Variants in RXRA observed in about 807,000 individuals in gnomAD.
RXRA encodes retinoic acid receptor RXR-alpha.
A neutral mutation model predicts 44.5 loss-of-function variants in RXRA; 5 were observed. That is an observed-to-expected ratio of 0.11 (90% CI 0.06 to 0.24). The LOEUF (loss-of-function observed/expected upper bound fraction) is 0.24, where lower values mean the gene tolerates loss of function less well. Among genes scored for constraint, RXRA ranks in the 10% least tolerant of loss-of-function variants. The probability of loss-of-function intolerance (pLI) is 1.00; values close to 1 mark genes in which losing one functional copy is unlikely to be tolerated. For synonymous variants in RXRA, 291 were observed against 271.4 expected, an observed-to-expected ratio of 1.07 and a Z score of -0.71; for missense variants, 412 against 646.5, an observed-to-expected ratio of 0.64 and a Z score of 3.93.
chr9:134,391,709 C>T (rs1016350666), intron 1 of RXRA, among the ~76,000 whole-genome samples: 12 of 152,198 alleles, frequency 7.9e-5, no homozygotes, highest in African/African-American at 2.7e-4. Flanking sequence ...CCAAGGTGGG[C>T]GTCATTGCTG....
chr9:134,402,779 C>G (rs897345812), intron 2 of RXRA: 1 of 152,180 alleles, frequency 6.6e-6, no homozygotes, highest in African/African-American at 2.4e-5. Flanking sequence ...ACTAGGCCCT[C>G]CCTCTCCAGG....
intron 1 of RXRA, among the ~76,000 whole-genome samples, chr9:134,375,361 T>C (rs1260841988): frequency 6.6e-6 from 1 of 152,104 alleles, no homozygotes; most frequent in African/African-American, 2.4e-5. Flanking sequence ...CAGGAAACCT[T>C]CCTGCCTCCA....
intron 1 of RXRA, among the ~76,000 whole-genome samples, chr9:134,393,763 T>C (rs1405481800): frequency 2.0e-5 from 3 of 152,140 alleles, no homozygotes; most frequent in African/African-American, 7.2e-5. Context: ...CACTGACTGC[T>C]CATGGGGAGC....
intron 1 of RXRA, among the ~76,000 whole-genome samples, chr9:134,328,294 A>G (rs1834947855): frequency 6.6e-6 from 1 of 152,182 alleles, no homozygotes; most frequent in Admixed American, 6.5e-5. Context: ...CTGAGAACCG[A>G]ACAGGTCCCT....
intron 1 of RXRA, among the ~76,000 whole-genome samples, chr9:134,392,842 T>G (rs938030271): frequency 1.3e-5 from 2 of 151,954 alleles, no homozygotes; most frequent in Admixed American, 6.6e-5. Flanking sequence ...TTTGTGCCAG[T>G]CGTGGGAGTG....
Position 134,378,367 on chromosome 9 carries a change from G to GCGCCTGTGTGC in RXRA, c.29-23265_29-23264insCGCCTGTGTGC, listed in dbSNP as rs1203485032. Among the ~76,000 whole-genome samples the GCGCCTGTGTGC allele has an allele frequency of 1.7e-4, 6 of 36,168 alleles. No individual in the cohort carries two copies. In the South Asian group the frequency reaches 3.9e-3, roughly 23 times the overall value. 23.7% of individuals were successfully genotyped at this position (36,168 alleles called of 152,430 possible). A position where few individuals can be genotyped will look rare whatever the true frequency, so the allele number is the denominator to read the frequency against. Reference sequence around the variant, plus strand: ...TGTGTGCCGGCCAGCGCCTGTGTGCGGGGTCCTTACCACTGTGTGGTTTAA... The same window carrying GCGCCTGTGTGC: ...TGTGTGCCGGCCAGCGCCTGTGTGCGCGCCTGTGTGCGGGTCCTTACCACTGTGTGGTTTAA... On this transcript the variant is annotated intron_variant, in intron 1 of 9. Coordinates refer to ENST00000481739, the MANE Select transcript of RXRA (RefSeq NM_002957.6).
In RXRA at chr9:134,349,518, G is replaced by C. The variant is rs1554749208; in HGVS notation, c.28+22859G>C. 6.6e-6 allele frequency among the ~76,000 whole-genome samples: 1 copy of C among 152,204 alleles called. No individual in the cohort carries two copies. Among genetic ancestry groups the C allele is most frequent in the East Asian group, 1.9e-4 (1 of 5,182 alleles). On this transcript the variant is annotated intron_variant, in intron 1 of 9. Transcript: ENST00000481739. This position sits in a 1 kb window ranked among gnomAD's most constrained non-coding sequence, Gnocchi z 4.3. ...GGTGCTGCGGGGGTGGCTCGGCCCT[G>C]AAGCTCGTGGCGGGCAGGAGTGTGC... is the stretch of plus-strand genomic sequence containing the variant.
chr9:134,431,981 G>A lies in RXRA; in HGVS notation c.1120G>A (p.Val374Ile), dbSNP rs762302539. ...GGAGCTGGGCTGCCTGCGCGCCATCGTCCTCTTTAACCCTGGTATGGCCTT... is the reference window on the plus strand; with the variant it reads ...GGAGCTGGGCTGCCTGCGCGCCATCATCCTCTTTAACCCTGGTATGGCCTT... ...KTELGCLRAIVLFNPDSKGLS... is the reference protein window; with the variant it reads ...KTELGCLRAIILFNPDSKGLS... The change falls in exon 8 of 10, where the codon GTC becomes ATC. Residue 374 changes from valine (V) to isoleucine (I), a missense_variant. This residue lies in a region of RXRA where 141 missense variants were observed against 270.8 expected (regional missense o/e 0.52). Transcript: ENST00000481739. 20 of 1,613,584 alleles carry A rather than the reference G, an allele frequency of 1.2e-5. No homozygotes were observed. The highest frequency in any genetic ancestry group is 2.2e-5 in the East Asian group (1 of 44,876).
chr9:134,347,095 C>T (rs1554748912), intron 1 of RXRA, among the ~76,000 whole-genome samples: 2 of 150,552 alleles, frequency 1.3e-5, no homozygotes, highest in Admixed American at 6.6e-5. Context: ...GGGTGGTGGC[C>T]TCTCTGTCCC....
intron 6 of RXRA, chr9:134,422,550 T>A: frequency 9.5e-7 from 1 of 1,053,158 alleles, no homozygotes; most frequent in Non-Finnish European, 1.2e-6. Context: ...TCCCCCCTCC[T>A]GGGACAGTCC....
intron 6 of RXRA, chr9:134,423,317 G>A (rs1435746836): frequency 9.1e-6 from 9 of 985,346 alleles, no homozygotes; most frequent in African/African-American, 8.7e-5. Flanking sequence ...CTCCCTTAGG[G>A]CCGGGTGTCC....
At chr9:134,399,399 G>A (rs1458517203) in intron 1 of RXRA, among the ~76,000 whole-genome samples, 2 of 152,236 alleles carry the variant, frequency 1.3e-5, no homozygotes, top group African/African-American at 4.8e-5. Context: ...AGTAACATCA[G>A]GTTATGCAGG....
chr9:134,345,014 C>T (rs1177087302), intron 1 of RXRA, among the ~76,000 whole-genome samples: 1 of 152,160 alleles, frequency 6.6e-6, no homozygotes, highest in Non-Finnish European at 1.5e-5. Flanking sequence ...GGCCGTGTGC[C>T]TGGGGACAGC....
chr9:134,385,065 C>T (rs558362788), intron 1 of RXRA, among the ~76,000 whole-genome samples: 1 of 152,304 alleles, frequency 6.6e-6, no homozygotes, highest in East Asian at 1.9e-4. Flanking sequence ...TCAGAGCTAC[C>T]CCTGCGCAGC....
chr9:134,375,619 C>A (rs1394325706), intron 1 of RXRA, among the ~76,000 whole-genome samples: 1 of 152,152 alleles, frequency 6.6e-6, no homozygotes, highest in Non-Finnish European at 1.5e-5. Flanking sequence ...CAGCTGGGAA[C>A]ACGGGCCAGG....
chr9:134,327,175 C>T (rs1430401480), intron 1 of RXRA, among the ~76,000 whole-genome samples: 3 of 152,090 alleles, frequency 2.0e-5, no homozygotes, highest in Admixed American at 2.0e-4. Flanking sequence ...CCTGTTATCC[C>T]CAAAGCAGCC....
intron 1 of RXRA, among the ~76,000 whole-genome samples, chr9:134,398,839 G>A (rs1830918606): frequency 6.6e-6 from 1 of 152,264 alleles, no homozygotes; most frequent in Non-Finnish European, 1.5e-5. Context: ...GCCATTCCAA[G>A]GCCCGGCTTC....
intron 1 of RXRA, among the ~76,000 whole-genome samples, chr9:134,341,540 G>T: frequency 6.6e-6 from 1 of 152,178 alleles, no homozygotes; most frequent in South Asian, 2.1e-4. Flanking sequence ...TAGCAACTCT[G>T]GGTGAGATAG....
chr9:134,425,690 T>G (rs763307666), intron 6 of RXRA: 28 of 985,018 alleles, frequency 2.8e-5, no homozygotes, highest in Non-Finnish European at 3.3e-5. Flanking sequence ...ACTCCCCTGG[T>G]CTTGTTAATC....
Sources: gnomAD v4.1 joint callset for allele counts (sites outside exome capture counted in the v4.1 genomes callset) on GRCh38, gnomAD v4.1.1 for gene constraint, gnomAD v4.1.1 regional missense constraint, Gnocchi (gnomAD v3.1) non-coding constraint, MANE v1.5 for transcripts, NCBI Gene and HGNC (gene_info 2026-07-23, HGNC 2026-07-21) for gene names.